The following WDR89 variants were observed in gnomAD, a reference collection of about 807,000 sequenced individuals.
WDR89 encodes the protein WD repeat domain 89.
A neutral mutation model predicts 29.1 loss-of-function variants in WDR89; 17 were observed. The observed-to-expected ratio is 0.58, with a 90% CI of 0.40 to 0.88. The LOEUF is 0.88. WDR89 is among the 40% of genes least tolerant of loss of function. The pLI is 0.00. For missense variants in WDR89, 396 were observed against 456.3 expected (o/e 0.87, Z 1.20); for synonymous variants, 138 against 157.8 (o/e 0.87, Z 0.94).
At chr14:63,612,846 A>C (rs1294843245) in intron 2 of WDR89, among the ~76,000 whole-genome samples, 1 of 152,102 alleles carries the variant, frequency 6.6e-6, no homozygotes, top group Non-Finnish European at 1.5e-5. Context: ...GCTATTTTCT[A>C]ATGTCTCCAG....
intron 1 of WDR89, among the ~76,000 whole-genome samples, chr14:63,640,088 C>A (rs1028701600): frequency 6.6e-6 from 1 of 152,200 alleles, no homozygotes; most frequent in Non-Finnish European, 1.5e-5. Flanking sequence ...AGTAACATAG[C>A]TGCATTCACA....
At chr14:63,636,326 A>G (rs377359418) in intron 1 of WDR89, among the ~76,000 whole-genome samples, 4 of 152,252 alleles carry the variant, frequency 2.6e-5, no homozygotes, top group Non-Finnish European at 5.9e-5. Flanking sequence ...GTATTGTGAA[A>G]ATGACCATGC....
intron 2 of WDR89, among the ~76,000 whole-genome samples, chr14:63,622,553 C>T (rs146273391): frequency 2.0e-5 from 3 of 152,086 alleles, no homozygotes; most frequent in Admixed American, 1.3e-4. Flanking sequence ...TGCACTCCAG[C>T]CTGGGCAACA....
Position 63,599,279 on chromosome 14 carries a change from T to C in WDR89, c.664A>G (p.Ile222Val), listed in dbSNP as rs771981347. The C allele has an allele frequency of 2.5e-6, 4 of 1,613,636 alleles. No individual in the cohort carries two copies. The highest frequency in any genetic ancestry group is 1.1e-5 in the South Asian group (1 of 91,026). ...TTATAACCTTTCCCAGACCAACCAA[T>C]ACAGCTTACTGATGAAATTGAGTTA... The part of the protein sequence containing the change: ...TCNSISSVSC[I>V]GWSGKGYKQI... The change falls in exon 3 of 3, where the codon ATT (isoleucine) becomes GTT (valine). Residue 222 changes from isoleucine (I) to valine (V), a missense_variant. Ile to Val is a conservative substitution (Grantham distance 29). Coordinates refer to ENST00000620954, the MANE Select transcript of WDR89 (RefSeq NM_080666.4).
Position 63,598,948 on chromosome 14 carries a change from T to C in WDR89, c.995A>G (p.Gln332Arg), listed in dbSNP as rs1430993797. ...TCCTCCAGTCAACAAAGAATCATCT[T>C]GCACATTCCAACAGAAAGAACGGAC... The part of the protein sequence containing the change: ...ATVRSFCWNV[Q>R]DDSLLTGGED... Residue 332 changes from glutamine to arginine, a missense_variant, in exon 3 of 3, where the codon CAA becomes CGA. Transcript: ENST00000620954. 1.2e-6 allele frequency: 2 copies of C among 1,614,082 alleles called. No homozygotes were observed. Among genetic ancestry groups the C allele is most frequent in the Non-Finnish European group, 1.7e-6 (2 of 1,180,038 alleles).
chr14:63,599,577 A>G lies in WDR89; in HGVS notation c.366T>C (p.Asp122=). The change falls in exon 3 of 3, where the codon GAT becomes GAC. Residue 122 remains aspartate, a synonymous_variant. Transcript: ENST00000620954. ...GYPSNIFISF[D]INCNDHIICA... ...AAATAATATGATCATTACAATTAAT[A>G]TCAAAACTGATAAAAATATTGGAAG... 2 of 1,614,140 alleles carry G rather than the reference A, an allele frequency of 1.2e-6. No homozygotes were observed. Among genetic ancestry groups the G allele is most frequent in the Non-Finnish European group, 1.7e-6 (2 of 1,180,014 alleles).
At chr14:63,621,973 A>AT (rs1305133231) in intron 2 of WDR89, 6 of 152,250 alleles carry the variant, frequency 3.9e-5, no homozygotes, top group African/African-American at 1.4e-4. Flanking sequence ...AAACAGTATG[A>AT]TAACAAATTG....
intron 2 of WDR89, among the ~76,000 whole-genome samples, chr14:63,619,442 G>C (rs1194437887): frequency 6.6e-6 from 1 of 152,014 alleles, no homozygotes; most frequent in Non-Finnish European, 1.5e-5. Flanking sequence ...TAAAGAGACA[G>C]AGAAATACCA....
Position 63,598,857 on chromosome 14 carries a change from ACT to A in WDR89, c.1084_1085del (p.Ser362TyrfsTer15), listed in dbSNP as rs749849355. ...GGTGCACAGAGGATGCTATTTTCAT[ACT>A]CTCTTTCTTTGTAAAGGTCTTCTCT... Reference protein sequence around the residue: ...AIEKTFTKKESMKIASSVHQR... With the variant: ...AIEKTFTKKEXMKIASSVHQR... On this transcript the variant is annotated frameshift_variant, in exon 3 of 3. Coordinates refer to ENST00000620954, the MANE Select transcript of WDR89 (RefSeq NM_080666.4). LOFTEE classifies it high-confidence loss of function. 2.6e-5 allele frequency: 42 copies of A among 1,613,876 alleles called. No homozygotes were observed. Among genetic ancestry groups the A allele is most frequent in the Non-Finnish European group, 3.2e-5 (38 of 1,179,980 alleles).
chr14:63,640,785 C>T (rs1000979016), intron 1 of WDR89, among the ~76,000 whole-genome samples: 14 of 145,846 alleles, frequency 9.6e-5, no homozygotes, highest in African/African-American at 3.5e-4. Flanking sequence ...CTTTTATTGA[C>T]TTTAAATAAT....
intron 2 of WDR89, among the ~76,000 whole-genome samples, chr14:63,602,013 ATTC>A (rs1566789299): frequency 1.3e-5 from 2 of 152,220 alleles, no homozygotes; most frequent in Non-Finnish European, 2.9e-5. Context: ...ATTCATTTTC[ATTC>A]TTAAGATGAA....
chr14:63,598,916 C>A lies in WDR89; in HGVS notation c.1027G>T (p.Ala343Ser), dbSNP rs1894912552. The A allele has an allele frequency of 6.2e-7, 1 of 1,614,186 alleles. No individual in the cohort carries two copies. The highest frequency in any genetic ancestry group is 8.5e-7 in the Non-Finnish European group (1 of 1,180,020). Residue 343 changes from alanine to serine, a missense_variant, in exon 3 of 3, where the codon GCA (alanine) becomes TCA (serine). Transcript: ENST00000620954. ...DDSLLTGGED[A>S]QLLLWKPGAI... ...CCAGGTTTCCAAAGTAACAACTGTG[C>A]ATCTTCTCCTCCAGTCAACAAAGAA...
chr14:63,600,175 G>A (rs1894995320), intron 2 of WDR89, among the ~76,000 whole-genome samples: 1 of 152,102 alleles, frequency 6.6e-6, no homozygotes, highest in Non-Finnish European at 1.5e-5. Flanking sequence ...AAACTCAGTT[G>A]CCTTCTAATT....
Position 63,608,699 on chromosome 14 carries a change from A to ACACACAG in WDR89, c.-31-8727_-31-8726insCTGTGTG, listed in dbSNP as rs1566791813. Among the ~76,000 whole-genome samples, 15 of 133,838 alleles carry ACACACAG rather than the reference A, an allele frequency of 1.1e-4. 1 individual carries two copies. The highest frequency in any genetic ancestry group is 4.1e-4 in the African/African-American group (13 of 31,506). 87.8% of individuals were successfully genotyped at this position (133,838 alleles called of 152,430 possible). A position where few individuals can be genotyped will look rare whatever the true frequency, so the allele number is the denominator to read the frequency against. On this transcript the variant is annotated intron_variant, in intron 2 of 2. Coordinates refer to ENST00000620954, the MANE Select transcript of WDR89 (RefSeq NM_080666.4). ...ACACACACACACACACACACACACA[A>ACACACAG]ATAGGTTTAAGAAGCAAAACCCCTA...
At chr14:63,634,306 G>C (rs755191436) in intron 1 of WDR89, among the ~76,000 whole-genome samples, 10 of 152,146 alleles carry the variant, frequency 6.6e-5, no homozygotes, top group Non-Finnish European at 1.3e-4. Flanking sequence ...TGGATCACCT[G>C]ATGTCAGGAG....
chr14:63,618,079 C>T (rs776853075), intron 2 of WDR89: 1 of 151,996 alleles, frequency 6.6e-6, no homozygotes, highest in African/African-American at 2.4e-5. Context: ...AAAATTGGTA[C>T]GATACAGATT....
In WDR89 at chr14:63,627,397, T is replaced by C. The variant is rs57278725; in HGVS notation, c.-137-2364A>G. Among the ~76,000 whole-genome samples, 884 of 152,268 alleles carry C rather than the reference T, an allele frequency of 5.8e-3. 5 individuals carry two copies. The highest frequency in any genetic ancestry group is 0.02 in the African/African-American group (840 of 41,550). On this transcript the variant is annotated intron_variant, in intron 1 of 2. Coordinates refer to ENST00000620954, the MANE Select transcript of WDR89 (RefSeq NM_080666.4). The stretch of plus-strand genomic sequence containing the variant: ...TTGGGAAGTGGTCAAATTAGAGTAT[T>C]GCCACATAAAACAACATTAAGTAGC...
At chr14:63,602,709 T>C (rs1401455051) in intron 2 of WDR89, among the ~76,000 whole-genome samples, 1 of 150,372 alleles carries the variant, frequency 6.7e-6, no homozygotes, top group Non-Finnish European at 1.5e-5. Context: ...GAGGAGGAGG[T>C]TGCGGTGAGC....
At chr14:63,632,137 A>C (rs1413095168) in intron 1 of WDR89, among the ~76,000 whole-genome samples, 1 of 151,764 alleles carries the variant, frequency 6.6e-6, no homozygotes, top group African/African-American at 2.4e-5. Context: ...CAAAAAAAAA[A>C]CTAAAAACAA....
Sources: allele counts gnomAD v4.1 joint callset (sites outside exome capture counted in the v4.1 genomes callset), GRCh38; gene constraint gnomAD v4.1.1; transcripts MANE v1.5; gene names NCBI Gene and HGNC (gene_info 2026-07-23, HGNC 2026-07-21).